JAK1: variants seen among roughly 807,000 people sequenced by gnomAD.
The protein encoded by JAK1 is tyrosine-protein kinase JAK1.
A neutral mutation model predicts 136.6 loss-of-function variants in JAK1; 16 were observed. The observed-to-expected ratio is 0.12, with a 90% CI of 0.08 to 0.18. The LOEUF is 0.18. Ranked by LOEUF, JAK1 falls within the 10% of genes least tolerant of loss-of-function variation. The pLI, the probability that JAK1 is intolerant of heterozygous loss-of-function variation, is 1.00. For missense variants in JAK1, 859 were observed against 1,450.1 expected (o/e 0.59, Z 6.62); for synonymous variants, 492 against 519.5 (o/e 0.95, Z 0.72).
intron 1 of JAK1, among the ~76,000 whole-genome samples, chr1:64,941,369 G>A (rs1443898352): frequency 6.6e-6 from 1 of 152,060 alleles, no homozygotes; most frequent in Non-Finnish European, 1.5e-5. Context: ...TATAAAATGT[G>A]ACAACATGAC....
chr1:64,860,243 T>C lies in JAK1; in HGVS notation c.1196A>G (p.His399Arg). ...GGACACAAAGGACAAGGCCTCCTCGTGGGAAGAGAGCTTCAGTTCCTGTTG... is the reference window on the plus strand; with the variant it reads ...GGACACAAAGGACAAGGCCTCCTCGCGGGAAGAGAGCTTCAGTTCCTGTTG... ...NKKMELKLSS[H>R]EEALSFVSLV... Residue 399 changes from histidine to arginine, a missense_variant, in exon 9 of 25, where the codon CAC becomes CGC. Coordinates refer to ENST00000342505, the MANE Select transcript of JAK1 (RefSeq NM_002227.4). 1 of 1,605,754 alleles carries C rather than the reference T, an allele frequency of 6.2e-7. No individual in the cohort carries two copies. The highest frequency in any genetic ancestry group is 8.5e-7 in the Non-Finnish European group (1 of 1,174,576).
chr1:64,966,008 A>C (rs1646368316), intron 1 of JAK1, among the ~76,000 whole-genome samples: 1 of 151,398 alleles, frequency 6.6e-6, no homozygotes, highest in Non-Finnish European at 1.5e-5. Flanking sequence ...TATAAACAGG[A>C]TGTCAGACAG....
rs1654239696 is a variant in JAK1 at position 64,833,262 on chromosome 1, T to C, written c.*1300A>G. 4.4e-6 allele frequency: 1 copy of C among 229,672 alleles called. No homozygotes were observed. Among genetic ancestry groups the C allele is most frequent in the South Asian group, 1.8e-4 (1 of 5,492 alleles). 14.2% of individuals were successfully genotyped at this position (229,672 alleles called of 1,614,324 possible). Reference sequence around the variant, plus strand: ...TTAGTATATTTATTTGTATAAAGAGTAAACAAAGTGCATATAGAGTGGCCA... The same window carrying C: ...TTAGTATATTTATTTGTATAAAGAGCAAACAAAGTGCATATAGAGTGGCCA... On this transcript the variant is annotated 3_prime_UTR_variant, in exon 25 of 25. Transcript: ENST00000342505.
chr1:64,958,360 A>G (rs946950518), intron 1 of JAK1, among the ~76,000 whole-genome samples: 1 of 152,236 alleles, frequency 6.6e-6, no homozygotes, highest in Non-Finnish European at 1.5e-5. Context: ...CCATACATCA[A>G]ATGATTTTCC....
chr1:64,921,229 G>A (rs575791346), intron 1 of JAK1, among the ~76,000 whole-genome samples: 10 of 152,146 alleles, frequency 6.6e-5, no homozygotes, highest in African/African-American at 1.7e-4. Context: ...TGTAGCATAT[G>A]TTTCTACCAC....
At chr1:64,939,821 G>A (rs1241304561) in intron 1 of JAK1, among the ~76,000 whole-genome samples, 9 of 152,126 alleles carry the variant, frequency 5.9e-5, no homozygotes, top group Non-Finnish European at 1.3e-4. Flanking sequence ...AACAAAATAA[G>A]AGAATAACTA....
In JAK1 at chr1:64,860,929, C is replaced by CGTGTGTGTGTGTGT. The variant is rs577274261; in HGVS notation, c.1177-681_1177-668dup. Among the ~76,000 whole-genome samples, 15 of 48,520 alleles carry CGTGTGTGTGTGTGT rather than the reference C, an allele frequency of 3.1e-4. 1 individual carries two copies. Among genetic ancestry groups the CGTGTGTGTGTGTGT allele is most frequent in the Admixed American group, 4.5e-4 (2 of 4,466 alleles). The allele number at this position is 48,520 out of a possible 152,430, so 31.8% of individuals were successfully genotyped here. A position where few individuals can be genotyped will look rare whatever the true frequency, so the allele number is the denominator to read the frequency against. ...ATGCAGAGAAGCTGTCCCCTGGGTC[C>CGTGTGTGTGTGTGT]GTGTGTGTGTGTGTGTGTGTGTGTG... On this transcript the variant is annotated intron_variant, in intron 8 of 24. Coordinates refer to ENST00000342505, the MANE Select transcript of JAK1 (RefSeq NM_002227.4).
At chr1:64,855,415 C>T in intron 11 of JAK1, 94 bp downstream of exon 11, 1 of 1,148,120 alleles carries the variant, frequency 8.7e-7, no homozygotes, top group South Asian at 1.6e-5. Flanking sequence ...GGGGAGGGTC[C>T]ACTTTGTTTA....
intron 1 of JAK1, among the ~76,000 whole-genome samples, chr1:65,044,752 T>G (rs1647169633): frequency 6.6e-6 from 1 of 151,824 alleles, no homozygotes; most frequent in Admixed American, 6.6e-5. Context: ...AAGAGAGGAG[T>G]GAAGCAAAAG....
chr1:64,968,223 G>A (rs1211482293), upstream of JAK1, among the ~76,000 whole-genome samples: 1 of 152,160 alleles, frequency 6.6e-6, no homozygotes, highest in East Asian at 1.9e-4. Flanking sequence ...GGAATCAGGG[G>A]GAGAGGGCCT....
At chr1:64,973,326 G>A (rs776429746) in intron 2 of JAK1, among the ~76,000 whole-genome samples, 9 of 144,296 alleles carry the variant, frequency 6.2e-5, no homozygotes, top group African/African-American at 1.8e-4. Flanking sequence ...AGGAAGGGAG[G>A]GAAGGAGGGA....
At chr1:65,067,621 C>T (rs1195756358) in exon 1 of JAK1, 2 of 148,792 alleles carry the variant, frequency 1.3e-5, no homozygotes, top group African/African-American at 2.4e-5. Flanking sequence ...CCCGGGGGTC[C>T]CGGGCTCCCC....
chr1:65,006,811 C>G (rs368501164), intron 2 of JAK1, among the ~76,000 whole-genome samples: 1 of 152,044 alleles, frequency 6.6e-6, no homozygotes, highest in Non-Finnish European at 1.5e-5. Context: ...ATAATATTTA[C>G]GTTGATTCAT....
At chr1:64,842,811 C>A (rs146778242) in intron 17 of JAK1, among the ~76,000 whole-genome samples, 40 of 152,282 alleles carry the variant, frequency 2.6e-4, no homozygotes, top group Non-Finnish European at 4.6e-4. Flanking sequence ...AATAGCAGAT[C>A]TGTAGATCTG....
intron 1 of JAK1, among the ~76,000 whole-genome samples, chr1:64,961,860 T>C (rs12141839): frequency 0.043 from 6,503 of 152,296 alleles, 242 homozygotes; most frequent in Admixed American, 0.14. Flanking sequence ...ACCCACAATG[T>C]GTTACAGCCA....
chr1:64,943,836 T>A (rs377080519), intron 1 of JAK1, among the ~76,000 whole-genome samples: 15 of 146,038 alleles, frequency 1.0e-4, no homozygotes, highest in South Asian at 2.1e-4. Flanking sequence ...CTTTAATAAA[T>A]AAAAAAAAAA....
chr1:65,062,388 A>G (rs945340713), intron 1 of JAK1, among the ~76,000 whole-genome samples: 1 of 152,112 alleles, frequency 6.6e-6, no homozygotes, highest in African/African-American at 2.4e-5. Flanking sequence ...ATCTCTAAAA[A>G]CCCTGATGGT....
At chr1:64,971,231 A>G (rs185127848), upstream of JAK1, among the ~76,000 whole-genome samples, 1 of 152,334 alleles carries the variant, frequency 6.6e-6, no homozygotes, top group Admixed American at 6.5e-5. Context: ...TCCACGGGGC[A>G]TATTTTTCAT....
intron 17 of JAK1, among the ~76,000 whole-genome samples, chr1:64,843,473 G>A (rs1655036559): frequency 6.6e-6 from 1 of 152,126 alleles, no homozygotes; most frequent in Admixed American, 6.5e-5. Context: ...AGGTAAGTGG[G>A]GCTACCTGAG....
Sources: allele counts gnomAD v4.1 joint callset (sites outside exome capture counted in the v4.1 genomes callset), GRCh38; gene constraint gnomAD v4.1.1; transcripts MANE v1.5; gene names NCBI Gene and HGNC (gene_info 2026-07-23, HGNC 2026-07-21).